PCDHA3: variants seen among roughly 807,000 people sequenced by gnomAD.
The protein encoded by PCDHA3 is protocadherin alpha-3.
PCDHA3 carries 41 observed loss-of-function variants against 62.2 expected under a neutral mutation model. That is an observed-to-expected ratio of 0.66 (90% CI 0.51 to 0.86). The LOEUF (loss-of-function observed/expected upper bound fraction) is 0.86, where lower values mean the gene tolerates loss of function less well. PCDHA3 is among the 40% of genes least tolerant of loss of function. PCDHA3 has a pLI of 0.00. For missense variants in PCDHA3, 1,304 were observed against 1,241.2 expected (o/e 1.05, Z -0.76); for synonymous variants, 640 against 555.4 (o/e 1.15, Z -2.14).
chr5:140,922,799 A>T (rs1188093750), intron 1 of PCDHA3, among the ~76,000 whole-genome samples: 1 of 152,264 alleles, frequency 6.6e-6, no homozygotes, highest in Non-Finnish European at 1.5e-5. Context: ...GCTTTGGAAT[A>T]CAGAAAAAGG....
intron 1 of PCDHA3, chr5:140,836,138 G>A (rs2150253717): frequency 6.2e-7 from 1 of 1,613,790 alleles, no homozygotes; most frequent in Middle Eastern, 1.6e-4. Flanking sequence ...CGCGGTCTGT[G>A]GGCGCGGGCC....
intron 1 of PCDHA3, among the ~76,000 whole-genome samples, chr5:140,838,401 G>A (rs1214374292): frequency 2.6e-5 from 4 of 151,340 alleles, no homozygotes; most frequent in African/African-American, 9.8e-5. Flanking sequence ...TGGGATTACA[G>A]GAGTGAGCCA....
chr5:140,841,547 G>T, intron 1 of PCDHA3: 1 of 1,613,802 alleles, frequency 6.2e-7, no homozygotes, highest in Non-Finnish European at 8.5e-7. Context: ...GGACCTTCTG[G>T]AGGTAAGTCT....
chr5:140,875,386 C>G, intron 1 of PCDHA3: 1 of 1,465,972 alleles, frequency 6.8e-7, no homozygotes, highest in Non-Finnish European at 9.0e-7. Flanking sequence ...TATGTACTTA[C>G]AGAAAAGGGT....
At chr5:140,895,273 A>T (rs2064941325) in intron 1 of PCDHA3, among the ~76,000 whole-genome samples, 2 of 151,970 alleles carry the variant, frequency 1.3e-5, no homozygotes, top group South Asian at 4.1e-4. Context: ...TTACTCAGGG[A>T]TAATTGAATT....
intron 1 of PCDHA3, among the ~76,000 whole-genome samples, chr5:140,969,883 A>G (rs1161815776): frequency 6.6e-6 from 1 of 152,204 alleles, no homozygotes; most frequent in African/African-American, 2.4e-5. Flanking sequence ...ATGTGATAGG[A>G]TCCTCTGGAA....
At chr5:140,957,919 A>G (rs1477103013) in intron 1 of PCDHA3, among the ~76,000 whole-genome samples, 1 of 152,158 alleles carries the variant, frequency 6.6e-6, no homozygotes, top group Non-Finnish European at 1.5e-5. Flanking sequence ...TTATCTATGT[A>G]TCAAGCTAAA....
chr5:141,008,530 A>G (rs1176119695), intron 3 of PCDHA3, among the ~76,000 whole-genome samples: 2 of 152,128 alleles, frequency 1.3e-5, no homozygotes, highest in African/African-American at 4.8e-5. Context: ...ACTCTTGGGA[A>G]TGTCTTTTAT....
intron 1 of PCDHA3, chr5:140,875,556 C>G (rs781896642): frequency 6.2e-7 from 1 of 1,614,128 alleles, no homozygotes; most frequent in East Asian, 2.2e-5. Flanking sequence ...AGGTGGGGAG[C>G]GGCCAGCTCC....
Position 140,843,486 on chromosome 5 carries a change from G to A in PCDHA3, c.2394+39895G>A. The A allele has an allele frequency of 2.5e-6, 4 of 1,595,976 alleles. 1 individual carries two copies. The highest frequency in any genetic ancestry group is 1.7e-5 in the Admixed American group (1 of 59,314). ...ACGCTGCTGCTGTACACTGCGCTGC[G>A]GTGCTCAGCACTGCCCACTGAGGGC... On this transcript the variant is annotated intron_variant, in intron 1 of 3. Transcript: ENST00000522353.
chr5:140,984,413 C>A lies in PCDHA3; in HGVS notation c.2542+1850C>A, dbSNP rs75063168. Among the ~76,000 whole-genome samples, 1,502 of 152,262 alleles carry A rather than the reference C, an allele frequency of 9.9e-3. 20 individuals carry two copies. Among genetic ancestry groups the A allele is most frequent in the African/African-American group, 0.035 (1,434 of 41,536 alleles). On this transcript the variant is annotated intron_variant, in intron 3 of 3. Transcript: ENST00000522353. ...AAATGTTGAGAACCTATCTTTTTTA[C>A]AGAGATAGAGAAGGGGATCTCCCTT...
At chr5:140,933,106 C>T (rs2088855819) in intron 1 of PCDHA3, among the ~76,000 whole-genome samples, 1 of 151,884 alleles carries the variant, frequency 6.6e-6, no homozygotes. Context: ...AAAGGTTGTT[C>T]TTAAGAAACA....
At chr5:140,889,677 A>C (rs2062337974) in intron 1 of PCDHA3, among the ~76,000 whole-genome samples, 1 of 152,018 alleles carries the variant, frequency 6.6e-6, no homozygotes, top group Non-Finnish European at 1.5e-5. Flanking sequence ...TTTTATTTTA[A>C]ACCTTTTAGT....
intron 3 of PCDHA3, among the ~76,000 whole-genome samples, chr5:141,006,960 G>A (rs1183082923): frequency 6.6e-6 from 1 of 152,184 alleles, no homozygotes; most frequent in Non-Finnish European, 1.5e-5. Flanking sequence ...TTATACATGA[G>A]ATTGGAGCAC....
At chr5:140,967,107 G>C (rs782199698) in intron 1 of PCDHA3, 1 of 1,612,994 alleles carries the variant, frequency 6.2e-7, no homozygotes. Flanking sequence ...TGTGAGCAGC[G>C]GCCTCGCTGC....
At chr5:140,878,545 A>G (rs1554170455) in intron 1 of PCDHA3, among the ~76,000 whole-genome samples, 1 of 152,228 alleles carries the variant, frequency 6.6e-6, no homozygotes, top group African/African-American at 2.4e-5. Context: ...AACCAGTTTC[A>G]GATGATCCCA....
At chr5:140,811,829 C>T (rs1351316701) in intron 1 of PCDHA3, 4 of 152,080 alleles carry the variant, frequency 2.6e-5, no homozygotes, top group African/African-American at 4.8e-5. Flanking sequence ...TATCCTTTGC[C>T]CACTTTTTGA....
chr5:141,006,636 A>G (rs1322633928), intron 3 of PCDHA3, among the ~76,000 whole-genome samples: 3 of 152,210 alleles, frequency 2.0e-5, no homozygotes, highest in African/African-American at 7.2e-5. Context: ...TGCAATTCAT[A>G]TAAGAGATGA....
intron 1 of PCDHA3, among the ~76,000 whole-genome samples, chr5:140,936,196 G>A (rs1251323087): frequency 1.3e-5 from 2 of 152,072 alleles, no homozygotes; most frequent in African/African-American, 4.8e-5. Flanking sequence ...CCCAGCCAAA[G>A]TTGTCTTTTT....
Sources: gnomAD v4.1 joint callset for allele counts (sites outside exome capture counted in the v4.1 genomes callset) on GRCh38, gnomAD v4.1.1 for gene constraint, MANE v1.5 for transcripts, NCBI Gene and HGNC (gene_info 2026-07-23, HGNC 2026-07-21) for gene names.